NRXN1: variants seen among roughly 807,000 people sequenced by gnomAD.
The protein encoded by NRXN1 is neurexin-1.
A neutral mutation model predicts 150.9 loss-of-function variants in NRXN1; 39 were observed. The observed-to-expected ratio is 0.26, with a 90% CI of 0.20 to 0.34. NRXN1 has a LOEUF of 0.34. NRXN1 is among the 10% of genes least tolerant of loss of function. NRXN1 has a pLI of 1.00. For synonymous variants in NRXN1, 924 were observed against 757.0 expected (o/e 1.22, Z -3.62); for missense variants, 1,815 against 1,949.9 (o/e 0.93, Z 1.30).
At chr2:50,985,805 C>T (rs1185499624) in intron 2 of NRXN1, among the ~76,000 whole-genome samples, 1 of 151,108 alleles carries the variant, frequency 6.6e-6, no homozygotes, top group Non-Finnish European at 1.5e-5. Context: ...GAAATGAAAA[C>T]AAAACTTCAA....
chr2:50,731,894 G>A (rs1039166485), intron 5 of NRXN1, among the ~76,000 whole-genome samples: 3 of 152,096 alleles, frequency 2.0e-5, no homozygotes, highest in Non-Finnish European at 2.9e-5. Context: ...TTGGGATAAC[G>A]GGCCCAGTTA....
chr2:50,111,614 G>A (rs1702387945), intron 18 of NRXN1, among the ~76,000 whole-genome samples: 1 of 151,800 alleles, frequency 6.6e-6, no homozygotes, highest in African/African-American at 2.4e-5. Context: ...ATTCCAGCCT[G>A]GGTGACAGAG....
Position 50,722,132 on chromosome 2 carries a change from A to G in NRXN1, c.833-98517T>C, listed in dbSNP as rs181058384. On this transcript the variant is annotated intron_variant, in intron 5 of 22. Coordinates refer to ENST00000401669, the MANE Select transcript of NRXN1 (RefSeq NM_001330078.2). Reference sequence around the variant, plus strand: ...ATAGACTCTATCAATCTTTTGCCCAATCTTTGCTATTCTTCAAAATTTTCT... The same window carrying G: ...ATAGACTCTATCAATCTTTTGCCCAGTCTTTGCTATTCTTCAAAATTTTCT... 2.0e-5 allele frequency among the ~76,000 whole-genome samples: 3 copies of G among 152,252 alleles called. No homozygotes were observed. In the East Asian group the frequency reaches 5.8e-4, roughly 29 times the overall value.
chr2:49,957,383 CAA>C (rs1415329476), intron 21 of NRXN1, among the ~76,000 whole-genome samples: 5 of 152,094 alleles, frequency 3.3e-5, no homozygotes, highest in Non-Finnish European at 7.4e-5. Context: ...AACCAGCTTT[CAA>C]AATGAATGGC....
intron 17 of NRXN1, among the ~76,000 whole-genome samples, chr2:50,247,689 C>T (rs1278708214): frequency 6.6e-6 from 1 of 152,114 alleles, no homozygotes; most frequent in Non-Finnish European, 1.5e-5. Context: ...GACTAAGGAA[C>T]TGTCCTAGAT....
chr2:50,595,871 C>T (rs1000818982), intron 8 of NRXN1, among the ~76,000 whole-genome samples: 9 of 152,104 alleles, frequency 5.9e-5, no homozygotes, highest in Admixed American at 2.0e-4. Context: ...TAAAACAATG[C>T]AAAAAATAAG....
intron 5 of NRXN1, among the ~76,000 whole-genome samples, chr2:50,715,767 C>G (rs903429965): frequency 6.6e-6 from 1 of 152,124 alleles, no homozygotes; most frequent in African/African-American, 2.4e-5. Context: ...TAAGTCCCAA[C>G]TCAAATGCCA....
intron 12 of NRXN1, among the ~76,000 whole-genome samples, chr2:50,515,329 A>T (rs13034257): frequency 0.83 from 125,458 of 152,062 alleles, 51,946 homozygotes; most frequent in Non-Finnish European, 0.86. Flanking sequence ...TTATGGTGAG[A>T]TGTATAATGA....
At chr2:50,098,866 T>G (rs867702859) in intron 18 of NRXN1, among the ~76,000 whole-genome samples, 26,587 of 107,552 alleles carry the variant, frequency 0.25, 4,883 homozygotes, top group African/African-American at 0.33. Flanking sequence ...TTTTTTTTTT[T>G]TTTTTTTTTT....
intron 2 of NRXN1, among the ~76,000 whole-genome samples, chr2:50,967,436 T>G (rs893201371): frequency 6.6e-6 from 1 of 152,050 alleles, no homozygotes; most frequent in African/African-American, 2.4e-5. Flanking sequence ...AATCCATACC[T>G]GAACAGTCTG....
intron 15 of NRXN1, among the ~76,000 whole-genome samples, chr2:50,479,767 C>CTTTTTTTTTTTTTTTTTTTTTTTTTTTT (rs35301086): frequency 1.3e-5 from 1 of 79,866 alleles, no homozygotes; most frequent in Admixed American, 2.0e-4. Context: ...ATTTCTTTTT[C>CTTTTTTTTTTTTTTTTTTTTTTTTTTTT]TTTTTTTTTT....
intron 17 of NRXN1, among the ~76,000 whole-genome samples, chr2:50,427,689 A>G (rs1055296520): frequency 6.6e-6 from 1 of 152,200 alleles, no homozygotes; most frequent in East Asian, 1.9e-4. Flanking sequence ...ACCTAAATCA[A>G]TTTGGCAAAG....
At chr2:50,712,013 C>T (rs1031005486) in intron 5 of NRXN1, among the ~76,000 whole-genome samples, 1 of 152,068 alleles carries the variant, frequency 6.6e-6, no homozygotes, top group Non-Finnish European at 1.5e-5. Context: ...AATATTTTGT[C>T]ACAGCAGCAC....
At chr2:50,312,784 A>G in intron 17 of NRXN1, 1 of 513,880 alleles carries the variant, frequency 1.9e-6, no homozygotes, top group Non-Finnish European at 3.9e-6. Flanking sequence ...ATTTATCACC[A>G]GCTAAAAATA....
At chr2:50,641,385 T>C (rs944494322) in intron 5 of NRXN1, among the ~76,000 whole-genome samples, 1 of 151,662 alleles carries the variant, frequency 6.6e-6, no homozygotes, top group Non-Finnish European at 1.5e-5. Context: ...AATGGAAGAG[T>C]GGGCAGGTGG....
chr2:50,623,350 G>T lies in NRXN1; in HGVS notation c.1098C>A (p.Ala366=). 2.5e-6 allele frequency: 4 copies of T among 1,613,250 alleles called. No individual in the cohort carries two copies. Among genetic ancestry groups the T allele is most frequent in the Non-Finnish European group, 3.4e-6 (4 of 1,179,444 alleles). The stretch of plus-strand genomic sequence containing the variant: ...TCCTGGTGACTTTCACATCATGCCA[G>T]GCATTATCATTAAACTTTCCATTCA... ...EPVNGKFNDN[A]WHDVKVTRNL... is the part of the protein sequence containing the mutation. Residue 366 remains alanine, a synonymous_variant, in exon 6 of 23, where the codon GCC becomes GCA. Transcript: ENST00000401669.
At chr2:50,538,150 A>G in intron 10 of NRXN1, 103 bp downstream of exon 10, 1 of 1,305,808 alleles carries the variant, frequency 7.7e-7, no homozygotes. Context: ...AGTTTACTTC[A>G]GTAGAGTATA....
chr2:50,094,925 C>A (rs17039801), intron 18 of NRXN1, among the ~76,000 whole-genome samples: 37,112 of 151,954 alleles, frequency 0.24, 4,945 homozygotes, highest in Admixed American at 0.38. Flanking sequence ...CAAATGCTTC[C>A]GAAAAGTGCC....
rs529416460 is a variant in NRXN1, at chr2:50,329,951, C to G, written c.3365-92981G>C. Among the ~76,000 whole-genome samples the G allele has an allele frequency of 2.6e-5, 4 of 151,558 alleles. No individual in the cohort carries two copies. In the South Asian group the frequency reaches 8.4e-4, roughly 32 times the overall value. On this transcript the variant is annotated intron_variant, in intron 17 of 22. Transcript: ENST00000401669. ...CCTCCAAAAGTGCTGGGATTACAGGCGTGAGCCACTGCACCCGGCCAGTGT... is the reference window on the plus strand; with the variant it reads ...CCTCCAAAAGTGCTGGGATTACAGGGGTGAGCCACTGCACCCGGCCAGTGT...
Sources: allele counts gnomAD v4.1 joint callset (sites outside exome capture counted in the v4.1 genomes callset), GRCh38; gene constraint gnomAD v4.1.1; transcripts MANE v1.5; gene names NCBI Gene and HGNC (gene_info 2026-07-23, HGNC 2026-07-21).